Variants in TRIP12 observed in about 807,000 individuals in gnomAD.
The protein encoded by TRIP12 is E3 ubiquitin-protein ligase TRIP12.
Under a neutral mutation model 244.2 loss-of-function variants are expected in TRIP12, and 25 were observed. That is an observed-to-expected ratio of 0.10 (90% CI 0.07 to 0.14). The LOEUF is 0.14. Ranked by LOEUF, TRIP12 falls within the 10% of genes least tolerant of loss-of-function variation. The probability of loss-of-function intolerance (pLI) is 1.00; values close to 1 mark genes in which losing one functional copy is unlikely to be tolerated. For missense variants in TRIP12, 1,677 were observed against 2,486.4 expected, an observed-to-expected ratio of 0.67 and a Z score of 6.92; for synonymous variants, 905 against 873.1, an observed-to-expected ratio of 1.04 and a Z score of -0.64.
At chr2:229,829,140 A>C in intron 8 of TRIP12, 53 bp downstream of exon 8, 1 of 1,515,918 alleles carries the variant, frequency 6.6e-7, no homozygotes, top group Non-Finnish European at 9.1e-7. Context: ...ACAAGTAACA[A>C]TAGCAGTTGG....
At position 229,764,617 on chromosome 2, in the gene TRIP12, AAACTTAC is replaced by A. The variant is rs1406373840; in HGVS notation, c.*2930_*2936del. The A allele has an allele frequency of 1.3e-5, 2 of 152,384 alleles. No homozygotes were observed. Among genetic ancestry groups the A allele is most frequent in the South Asian group, 2.1e-4 (1 of 4,834 alleles). The allele number at this position is 152,384 out of a possible 1,614,324, so 9.4% of individuals were successfully genotyped here. On this transcript the variant is annotated 3_prime_UTR_variant, in exon 42 of 42. Transcript: ENST00000675903. ...CCTGCTAAGCCAGAAGGAAGACGGCAAACTTACAACTTACTCGCGACAGTCCTCAGTG... is the reference window on the plus strand; with the variant it reads ...CCTGCTAAGCCAGAAGGAAGACGGCAAACTTACTCGCGACAGTCCTCAGTG...
chr2:229,835,341 G>A (rs747373430), intron 6 of TRIP12, among the ~76,000 whole-genome samples: 1 of 152,186 alleles, frequency 6.6e-6, no homozygotes, highest in Non-Finnish European at 1.5e-5. Context: ...AGTCGGATGA[G>A]CCTGATTCCT....
Position 229,778,940 on chromosome 2 carries a change from C to T in TRIP12, c.5145G>A (p.Gln1715=), listed in dbSNP as rs2037185021. The T allele has an allele frequency of 6.2e-7, 1 of 1,613,920 alleles. No homozygotes were observed. Among genetic ancestry groups the T allele is most frequent in the Admixed American group, 1.7e-5 (1 of 60,020 alleles). The change falls in exon 35 of 42, where the codon CAG becomes CAA. Residue 1715 remains glutamine, a synonymous_variant. Transcript: ENST00000675903. The surrounding 1 kb of genome is among the most constrained non-coding windows in gnomAD (Gnocchi z 4.1). ...PTLEFYALVS[Q]ELQRADLGLW... is the part of the protein sequence containing the mutation. Reference sequence around the variant, plus strand: ...GACCCAAGTCAGCTCTCTGTAGTTCCTGAGATACAAGCGCATAAAACTCCA... The same window carrying T: ...GACCCAAGTCAGCTCTCTGTAGTTCTTGAGATACAAGCGCATAAAACTCCA...
intron 2 of TRIP12, among the ~76,000 whole-genome samples, chr2:229,866,285 C>T (rs964312974): frequency 6.6e-5 from 10 of 152,110 alleles, no homozygotes; most frequent in African/African-American, 2.2e-4. Context: ...AGTCAGGCAC[C>T]GTTTTTAATG....
intron 33 of TRIP12, 39 bp from the exon 34 acceptor site, chr2:229,785,894 C>A: frequency 6.5e-7 from 1 of 1,549,268 alleles, no homozygotes; most frequent in Non-Finnish European, 8.8e-7. Flanking sequence ...CTATGCTCTA[C>A]CCATATTACA....
chr2:229,847,646 A>G (rs2154320729), intron 4 of TRIP12, among the ~76,000 whole-genome samples: 1 of 152,310 alleles, frequency 6.6e-6, no homozygotes, highest in East Asian at 1.9e-4. Flanking sequence ...GAGATTAACT[A>G]CCAATCAAAC....
chr2:229,787,233 T>C (rs1279946535), intron 33 of TRIP12, among the ~76,000 whole-genome samples: 1 of 152,174 alleles, frequency 6.6e-6, no homozygotes, highest in Non-Finnish European at 1.5e-5. Context: ...GAAGACAAGA[T>C]TCTTTCTTGG....
Position 229,805,824 on chromosome 2 carries a change from A to G in TRIP12, c.2556T>C (p.Thr852=). The G allele has an allele frequency of 6.2e-7, 1 of 1,610,196 alleles. No homozygotes were observed. Among genetic ancestry groups the G allele is most frequent in the Non-Finnish European group, 8.5e-7 (1 of 1,176,864 alleles). Residue 852 remains threonine, a synonymous_variant, in exon 18 of 42, where the codon ACT becomes ACC. Coordinates refer to ENST00000675903, the MANE Select transcript of TRIP12 (RefSeq NM_001348323.3). Reference sequence around the variant, plus strand: ...TTTGCTGCATAGAATTAAAATCAATAGTATAAACTCGTCCCAGAGTGGACA... The same window carrying G: ...TTTGCTGCATAGAATTAAAATCAATGGTATAAACTCGTCCCAGAGTGGACA... The part of the protein sequence containing the change: ...ISLSTLGRVY[T]IDFNSMQQIN...
intron 1 of TRIP12, among the ~76,000 whole-genome samples, chr2:229,905,274 C>CAA (rs371131914): frequency 1.5e-4 from 10 of 67,236 alleles, no homozygotes; most frequent in Non-Finnish European, 2.3e-4. Context: ...AACTCCGTCT[C>CAA]AAAAAAAAAA....
At chr2:229,914,816 T>A (rs897892890) in intron 1 of TRIP12, among the ~76,000 whole-genome samples, 1 of 152,182 alleles carries the variant, frequency 6.6e-6, no homozygotes, top group Non-Finnish European at 1.5e-5. Flanking sequence ...CTTAGGCTTA[T>A]AAATAGCCTT....
chr2:229,917,184 T>C (rs190721114), intron 1 of TRIP12, among the ~76,000 whole-genome samples: 1 of 151,788 alleles, frequency 6.6e-6, no homozygotes, highest in Admixed American at 6.6e-5. Flanking sequence ...ATCAAGACCA[T>C]CCTGGCTAAC....
intron 38 of TRIP12, chr2:229,773,721 A>C: frequency 6.1e-6 from 1 of 164,930 alleles, no homozygotes; most frequent in Non-Finnish European, 1.3e-5. Flanking sequence ...GTCACCAAAC[A>C]TAAAAGTGTG....
At position 229,859,390 on chromosome 2, in the gene TRIP12, G is replaced by T. The variant is rs746308526; in HGVS notation, c.409C>A (p.Leu137Ile). Residue 137 changes from leucine (L) to isoleucine (I), a missense_variant, in exon 4 of 42, where the codon CTT (leucine) becomes ATT (isoleucine). Leu to Ile is a conservative substitution (Grantham distance 5). Coordinates refer to ENST00000675903, the MANE Select transcript of TRIP12 (RefSeq NM_001348323.3). ...TCTGAGGGAGATTCAGTATGCTGAAGTGCTTTTGGTTTTTTTGCAGAGCTA... is the reference window on the plus strand; with the variant it reads ...TCTGAGGGAGATTCAGTATGCTGAATTGCTTTTGGTTTTTTTGCAGAGCTA... ...SPSSAKKPKALQHTESPSETN... is the reference protein window; with the variant it reads ...SPSSAKKPKAIQHTESPSETN... The T allele has an allele frequency of 6.2e-7, 1 of 1,614,168 alleles. No homozygotes were observed. Among genetic ancestry groups the T allele is most frequent in the South Asian group, 1.1e-5 (1 of 91,088 alleles).
intron 2 of TRIP12, among the ~76,000 whole-genome samples, chr2:229,870,350 G>A (rs1423340564): frequency 6.6e-6 from 1 of 152,242 alleles, no homozygotes; most frequent in Admixed American, 6.5e-5. Flanking sequence ...TAAACATGGT[G>A]TACAAAGAGA....
chr2:229,843,068 CACT>C (rs1294177723), intron 4 of TRIP12, among the ~76,000 whole-genome samples: 2 of 129,578 alleles, frequency 1.5e-5, no homozygotes, highest in African/African-American at 5.5e-5. Flanking sequence ...CTCTCTCCCC[CACT>C]CCTTCCCTCC....
chr2:229,799,015 A>T lies in TRIP12; in HGVS notation c.3342T>A (p.Ser1114=). The stretch of plus-strand genomic sequence containing the variant: ...TTGGATTCAAGCTTGCCAGGAAAGA[A>T]GATTTAGGTGACTGAGTAGTGGTGG... ...KSPTTTQSPK[S]SFLASLNPKT... The change falls in exon 23 of 42, where the codon TCT becomes TCA. Residue 1114 remains serine (S), a synonymous_variant. Transcript: ENST00000675903. 1 of 1,614,202 alleles carries T rather than the reference A, an allele frequency of 6.2e-7. No individual in the cohort carries two copies.
intron 1 of TRIP12, among the ~76,000 whole-genome samples, chr2:229,906,188 C>T (rs1303855620): frequency 3.3e-5 from 5 of 151,304 alleles, no homozygotes; most frequent in South Asian, 2.1e-4. Context: ...GCCTGTGATC[C>T]CAGCTACTCT....
chr2:229,912,247 C>G (rs2074426611), intron 1 of TRIP12, among the ~76,000 whole-genome samples: 3 of 152,182 alleles, frequency 2.0e-5, no homozygotes, highest in African/African-American at 7.2e-5. Context: ...AAACTTAATA[C>G]AAAAACTTTT....
intron 15 of TRIP12, 114 bp downstream of exon 15, chr2:229,810,766 T>C (rs1432065186): frequency 1.9e-6 from 2 of 1,058,076 alleles, no homozygotes; most frequent in Non-Finnish European, 2.7e-6. Flanking sequence ...TTCTTTACTA[T>C]CCAATGCCTA....
Sources: allele counts gnomAD v4.1 joint callset (sites outside exome capture counted in the v4.1 genomes callset), GRCh38; gene constraint gnomAD v4.1.1; non-coding constraint Gnocchi (gnomAD v3.1); transcripts MANE v1.5; gene names NCBI Gene and HGNC (gene_info 2026-07-23, HGNC 2026-07-21).